BCL6B: variants seen among roughly 807,000 people sequenced by gnomAD.
BCL6B encodes the protein B-cell CLL/lymphoma 6 member B protein.
In BCL6B, 28 loss-of-function variants were observed where a neutral mutation model predicts 44.6. That is an observed-to-expected ratio of 0.63 (90% CI 0.47 to 0.86). The LOEUF (loss-of-function observed/expected upper bound fraction) is 0.86. Among genes scored for constraint, BCL6B ranks in the 40% least tolerant of loss-of-function variants. BCL6B has a pLI of 0.00. For synonymous variants in BCL6B, 268 were observed against 263.6 expected, an observed-to-expected ratio of 1.02 and a Z score of -0.16; for missense variants, 626 against 652.3, an observed-to-expected ratio of 0.96 and a Z score of 0.44.
At position 7,029,514 on chromosome 17, in the gene BCL6B, C is replaced by T. The variant is rs1447917733; in HGVS notation, c.*1895C>T. ...GAATTAAAGAAGGAAGAAGGGAAGG[C>T]GGAGGAGTCTATAAGAAGGAATCAT... On this transcript the variant is annotated 3_prime_UTR_variant, in exon 9 of 9. Coordinates refer to ENST00000293805, the MANE Select transcript of BCL6B (RefSeq NM_181844.4). 4.6e-6 allele frequency: 5 copies of T among 1,075,348 alleles called. No homozygotes were observed. Among genetic ancestry groups the T allele is most frequent in the African/African-American group, 1.7e-5 (1 of 58,972 alleles). 66.6% of individuals were successfully genotyped at this position (1,075,348 alleles called of 1,614,324 possible).
rs1202868355 is a variant in BCL6B, at chr17:7,028,571, G to A, written c.*952G>A. On this transcript the variant is annotated 3_prime_UTR_variant, in exon 9 of 9. Coordinates refer to ENST00000293805, the MANE Select transcript of BCL6B (RefSeq NM_181844.4). ...CTGGTCACTTGGGTTTGGCTCTGCT[G>A]TATCCATCTATAGTGGTAGAGACCC... 2 of 985,396 alleles carry A rather than the reference G, an allele frequency of 2.0e-6. No individual in the cohort carries two copies. The highest frequency in any genetic ancestry group is 2.4e-6 in the Non-Finnish European group (2 of 829,962). 61.0% of individuals were successfully genotyped at this position (985,396 alleles called of 1,614,324 possible).
In BCL6B at chr17:7,024,412, T is replaced by G; in HGVS notation, c.413T>G (p.Leu138Arg). 1 of 1,613,354 alleles carries G rather than the reference T, an allele frequency of 6.2e-7. No homozygotes were observed. The highest frequency in any genetic ancestry group is 8.5e-7 in the Non-Finnish European group (1 of 1,179,650). Residue 138 changes from leucine to arginine, a missense_variant, in exon 4 of 9, where the codon CTG (leucine) becomes CGG (arginine). Physicochemically the swap from Leu to Arg is moderately radical, Grantham distance 102. Transcript: ENST00000293805. The surrounding 1 kb of genome is among the most constrained non-coding windows in gnomAD (Gnocchi z 6.6). ...HRFIQASYEPLGISLRPLEAE... is the reference protein window; with the variant it reads ...HRFIQASYEPRGISLRPLEAE... The stretch of plus-strand genomic sequence containing the variant: ...CACACTTTCCCCAGCTATGAACCTC[T>G]GGGCATCTCCCTGCGCCCCCTGGAA...
intron 8 of BCL6B, 133 bp from the exon 9 acceptor site, chr17:7,027,370 G>T: frequency 8.9e-7 from 1 of 1,127,968 alleles, no homozygotes; most frequent in Non-Finnish European, 1.3e-6. Flanking sequence ...TGAGGATTTG[G>T]GAGGATGTGA....
At chr17:7,026,390 G>C (rs1910286538) in intron 5 of BCL6B, 67 bp from the exon 6 acceptor site, 1 of 1,552,896 alleles carries the variant, frequency 6.4e-7, no homozygotes. Flanking sequence ...TGTGGTTTGA[G>C]GATTCAGTAG....
rs1387047775 is a variant in BCL6B at position 7,026,687 on chromosome 17, C to T, written c.1055-18C>T. ...TCCTAGGGCAAAGTCCCTGATCTCC[C>T]ATGTTCTCTGCCTCCAGGGGAAAAG... On this transcript the variant is annotated intron_variant, in intron 6 of 8. Coordinates refer to ENST00000293805, the MANE Select transcript of BCL6B (RefSeq NM_181844.4). The T allele has an allele frequency of 4.3e-6, 7 of 1,614,128 alleles. No homozygotes were observed. Among genetic ancestry groups the T allele is most frequent in the East Asian group, 4.5e-5 (2 of 44,900 alleles).
chr17:7,026,989 G>A lies in BCL6B; in HGVS notation c.1225G>A (p.Glu409Lys). 6.2e-7 allele frequency: 1 copy of A among 1,613,528 alleles called. No homozygotes were observed. Among genetic ancestry groups the A allele is most frequent in the Non-Finnish European group, 8.5e-7 (1 of 1,180,022 alleles). The change falls in exon 8 of 9, where the codon GAG becomes AAG. Residue 409 changes from glutamate to lysine, a missense_variant. Physicochemically the swap from Glu to Lys is moderately conservative, Grantham distance 56. Coordinates refer to ENST00000293805, the MANE Select transcript of BCL6B (RefSeq NM_181844.4). ...LRAHVLIHTG[E>K]KPYPCPTCGT... The stretch of plus-strand genomic sequence containing the variant: ...GGCGCACGTGCTGATCCACACCGGG[G>A]AGAAGCCCTACCCTTGCCCTACCTG...
rs774413798 is a variant in BCL6B at position 7,026,636 on chromosome 17, G to A, written c.1054+15G>A. 3.1e-6 allele frequency: 5 copies of A among 1,613,912 alleles called. No individual in the cohort carries two copies. The African/African-American group carries it at 4.0e-5, about 13-fold the overall frequency. ...AGTGCACACAGGTAGGGGAAGAGAG[G>A]GCCCTGGCCTTCAAGCCCACAGCTG... is the stretch of plus-strand genomic sequence containing the variant. On this transcript the variant is annotated intron_variant, in intron 6 of 8. Coordinates refer to ENST00000293805, the MANE Select transcript of BCL6B (RefSeq NM_181844.4).
In BCL6B at chr17:7,024,636, G is replaced by A; in HGVS notation, c.637G>A (p.Val213Ile). The change falls in exon 4 of 9, where the codon GTC becomes ATC. Residue 213 changes from valine to isoleucine, a missense_variant. Transcript: ENST00000293805. This position sits in a 1 kb window ranked among gnomAD's most constrained non-coding sequence, Gnocchi z 6.6. ...TCAGGCCTCCCAAGCAGGGAGCCTG[G>A]TCGGGGAGAGAAGTTCTGGTCAACC... is the stretch of plus-strand genomic sequence containing the variant. ...NSQASQAGSL[V>I]GERSSGQPCP... 3.1e-6 allele frequency: 5 copies of A among 1,614,152 alleles called. No homozygotes were observed. Among genetic ancestry groups the A allele is most frequent in the Non-Finnish European group, 4.2e-6 (5 of 1,180,046 alleles).
In BCL6B at chr17:7,026,723, G is replaced by A. The variant is rs538127378; in HGVS notation, c.1073G>A (p.Cys358Tyr). 1 of 1,614,202 alleles carries A rather than the reference G, an allele frequency of 6.2e-7. No individual in the cohort carries two copies. The highest frequency in any genetic ancestry group is 8.5e-7 in the Non-Finnish European group (1 of 1,180,034). The change falls in exon 7 of 9, where the codon TGC (cysteine) becomes TAC (tyrosine). Residue 358 changes from cysteine to tyrosine, a missense_variant. Cys to Tyr is a radical substitution (Grantham distance 194). Transcript: ENST00000293805. ...CCTCCAGGGGAAAAGCCTTACCACT[G>A]CTCAATCTGCGGAGCCCGTTTTAAC... The part of the protein sequence containing the change: ...TVHTGEKPYH[C>Y]SICGARFNRP...
Position 7,026,611 on chromosome 17 carries a change from A to G in BCL6B, c.1044A>G (p.Thr348=). 6.2e-7 allele frequency: 1 copy of G among 1,614,152 alleles called. No homozygotes were observed. The highest frequency in any genetic ancestry group is 8.5e-7 in the Non-Finnish European group (1 of 1,179,992). The change falls in exon 6 of 9, where the codon ACA becomes ACG. Residue 348 remains threonine (T), a synonymous_variant. Coordinates refer to ENST00000293805, the MANE Select transcript of BCL6B (RefSeq NM_181844.4). ...RYKGNLASHR[T]VHTGEKPYHC... ...AGGGCAACCTTGCCAGTCATCGTAC[A>G]GTGCACACAGGTAGGGGAAGAGAGG... is the stretch of plus-strand genomic sequence containing the variant.
chr17:7,026,690 G>A lies in BCL6B; in HGVS notation c.1055-15G>A, dbSNP rs1567729194. ...TAGGGCAAAGTCCCTGATCTCCCATGTTCTCTGCCTCCAGGGGAAAAGCCT... is the reference window on the plus strand; with the variant it reads ...TAGGGCAAAGTCCCTGATCTCCCATATTCTCTGCCTCCAGGGGAAAAGCCT... On this transcript the variant is annotated splice_polypyrimidine_tract_variant and intron_variant, in intron 6 of 8. Transcript: ENST00000293805. 1.2e-6 allele frequency: 2 copies of A among 1,614,250 alleles called. No homozygotes were observed. The highest frequency in any genetic ancestry group is 2.2e-5 in the South Asian group (2 of 91,086).
In BCL6B at chr17:7,027,868, T is replaced by G; in HGVS notation, c.*249T>G. On this transcript the variant is annotated 3_prime_UTR_variant, in exon 9 of 9. Transcript: ENST00000293805. ...TCTGAGGAGAGAGCTAGCTAGGGGCTGGGAAAGGGGAGAGATTGGAGTCCT... is the reference window on the plus strand; with the variant it reads ...TCTGAGGAGAGAGCTAGCTAGGGGCGGGGAAAGGGGAGAGATTGGAGTCCT... 1 of 1,367,038 alleles carries G rather than the reference T, an allele frequency of 7.3e-7. No individual in the cohort carries two copies. 84.7% of individuals were successfully genotyped at this position (1,367,038 alleles called of 1,614,324 possible).
At chr17:7,025,299 T>G in intron 5 of BCL6B, 99 bp downstream of exon 5, 1 of 1,478,586 alleles carries the variant, frequency 6.8e-7, no homozygotes, top group Non-Finnish European at 9.1e-7. Context: ...GTTCCTAAAC[T>G]TTATTACAAA....
rs1422396299 is a variant in BCL6B, at chr17:7,023,649, G to T, written c.-12-11G>T. 1.9e-6 allele frequency: 3 copies of T among 1,597,984 alleles called. No homozygotes were observed. Among genetic ancestry groups the T allele is most frequent in the Non-Finnish European group, 2.6e-6 (3 of 1,172,098 alleles). ...TGCCTGGATCCAGAGCACTTTCCAC[G>T]GCCTCTACAGGCCTGTGTCGCTATG... On this transcript the variant is annotated splice_polypyrimidine_tract_variant and intron_variant, in intron 1 of 8. Coordinates refer to ENST00000293805, the MANE Select transcript of BCL6B (RefSeq NM_181844.4).
Position 7,024,249 on chromosome 17 carries a change from A to C in BCL6B, c.346A>C (p.Thr116Pro). The C allele has an allele frequency of 6.2e-7, 1 of 1,613,592 alleles. No individual in the cohort carries two copies. Among genetic ancestry groups the C allele is most frequent in the Non-Finnish European group, 8.5e-7 (1 of 1,179,996 alleles). The change falls in exon 3 of 9, where the codon ACC (threonine) becomes CCC (proline). Residue 116 changes from threonine (T) to proline (P), a missense_variant. Transcript: ENST00000293805. This position sits in a 1 kb window ranked among gnomAD's most constrained non-coding sequence, Gnocchi z 6.6. ...TGCACCAGCAGTCCTAGCGGCCGCC[A>C]CCTATTTGCAGATGGAGCACGTGGT... is the stretch of plus-strand genomic sequence containing the variant. The part of the protein sequence containing the change: ...ATAPAVLAAA[T>P]YLQMEHVVQA...
At chr17:7,027,177 C>A (rs1401950926) in intron 8 of BCL6B, 90 bp downstream of exon 8, 1 of 1,521,566 alleles carries the variant, frequency 6.6e-7, no homozygotes, top group Admixed American at 1.9e-5. Flanking sequence ...CTGGCTGTCC[C>A]TAGATCTCTT....
chr17:7,027,685 T>TCC lies in BCL6B; in HGVS notation c.*68_*69dup, dbSNP rs1278690106. 6 of 1,602,604 alleles carry TCC rather than the reference T, an allele frequency of 3.7e-6. No individual in the cohort carries two copies. Among genetic ancestry groups the TCC allele is most frequent in the Non-Finnish European group, 5.1e-6 (6 of 1,177,204 alleles). On this transcript the variant is annotated 3_prime_UTR_variant, in exon 9 of 9. Coordinates refer to ENST00000293805, the MANE Select transcript of BCL6B (RefSeq NM_181844.4). ...GAAAGCTGCAGGCCCAGGCCTTGCT[T>TCC]CCCTATCAGGCTTGGGCATAGGGGT...
chr17:7,026,888 T>G (rs1597341360), intron 7 of BCL6B, 53 bp downstream of exon 7: 2 of 1,611,048 alleles, frequency 1.2e-6, no homozygotes, highest in Non-Finnish European at 1.7e-6. Context: ...AGAGGTGGGG[T>G]GGGCCAATAG....
chr17:7,023,614 G>A (rs1466995903), intron 1 of BCL6B, 46 bp from the exon 2 acceptor site: 44 of 1,541,294 alleles, frequency 2.9e-5, no homozygotes, highest in Non-Finnish European at 2.3e-5. Flanking sequence ...GAGGGAAGGC[G>A]TCTTAGGACT....
Sources: gnomAD v4.1 joint callset for allele counts on GRCh38, gnomAD v4.1.1 for gene constraint, Gnocchi (gnomAD v3.1) non-coding constraint, MANE v1.5 for transcripts, NCBI Gene and HGNC (gene_info 2026-07-23, HGNC 2026-07-21) for gene names.